CHL1: variants seen among roughly 807,000 people sequenced by gnomAD.
CHL1 encodes the protein neural cell adhesion molecule L1-like protein.
CHL1 carries 96 observed loss-of-function variants against 141.9 expected under a neutral mutation model. The observed-to-expected ratio is 0.68, with a 90% CI of 0.57 to 0.80. The LOEUF is 0.80. CHL1 is among the 30% of genes least tolerant of loss of function. The probability of loss-of-function intolerance (pLI) is 0.00; values close to 1 mark genes in which losing one functional copy is unlikely to be tolerated. For missense variants in CHL1, 1,820 were observed against 1,457.2 expected, an observed-to-expected ratio of 1.25 and a Z score of -4.05; for synonymous variants, 613 against 502.2, an observed-to-expected ratio of 1.22 and a Z score of -2.95.
At chr3:251,477 T>C (rs1315322522) in intron 2 of CHL1, among the ~76,000 whole-genome samples, 1 of 152,174 alleles carries the variant, frequency 6.6e-6, no homozygotes, top group Non-Finnish European at 1.5e-5. Flanking sequence ...CTACTGTTTG[T>C]TATCAGTGTC....
In CHL1 at chr3:328,278, T is replaced by G. The variant is rs1186624190; in HGVS notation, c.309T>G (p.Phe103Leu). 2.5e-6 allele frequency: 4 copies of G among 1,612,656 alleles called. No individual in the cohort carries two copies. The highest frequency in any genetic ancestry group is 3.4e-6 in the Non-Finnish European group (4 of 1,179,122). Residue 103 changes from phenylalanine to leucine, a missense_variant, in exon 5 of 28, where the codon TTT (phenylalanine) becomes TTG (leucine). Coordinates refer to ENST00000256509, the MANE Select transcript of CHL1 (RefSeq NM_006614.4). ...RIPNEGHISH[F>L]QGKYRCFASN... ...CAAACGAGGGGCACATATCTCACTT[T>G]CAAGGGAAATACCGCTGCTTTGCTT...
intron 2 of CHL1, among the ~76,000 whole-genome samples, chr3:311,330 C>T (rs1197537525): frequency 6.6e-6 from 1 of 151,382 alleles, no homozygotes. Flanking sequence ...AATAGTAATG[C>T]ATATACTATA....
rs62230378 is a variant in CHL1, at chr3:382,221, A to G, written c.1919A>G (p.Gln640Arg). Residue 640 changes from glutamine (Q) to arginine (R), a missense_variant, in exon 17 of 28, where the codon CAG becomes CGG. By Grantham distance (43) the Gln-to-Arg change is conservative (BLOSUM62 1). Coordinates refer to ENST00000256509, the MANE Select transcript of CHL1 (RefSeq NM_006614.4). ...PPENLHLSERQNRSVRLTWEA... is the reference protein window; with the variant it reads ...PPENLHLSERRNRSVRLTWEA... ...GAAAACCTTCACTTGTCTGAAAGAC[A>G]GAACAGGAGTGTTCGGCTGACCTGG... 0.026 allele frequency: 41,150 copies of G among 1,613,620 alleles called. 668 individuals carry two copies. The highest frequency in any genetic ancestry group is 0.031 in the Non-Finnish European group (36,525 of 1,179,640).
At chr3:302,092 G>A (rs2124909763) in intron 2 of CHL1, among the ~76,000 whole-genome samples, 1 of 152,202 alleles carries the variant, frequency 6.6e-6, no homozygotes, top group Non-Finnish European at 1.5e-5. Flanking sequence ...CCTTTTTATG[G>A]TTGCATAGTA....
At chr3:325,331 A>G (rs1243604886) in intron 3 of CHL1, among the ~76,000 whole-genome samples, 2 of 152,018 alleles carry the variant, frequency 1.3e-5, no homozygotes, top group Non-Finnish European at 2.9e-5. Flanking sequence ...GTGAAATGAT[A>G]TTTACAATTT....
At chr3:236,653 A>G (rs541696673) in intron 1 of CHL1, among the ~76,000 whole-genome samples, 17 of 152,272 alleles carry the variant, frequency 1.1e-4, no homozygotes, top group Admixed American at 3.3e-4. Context: ...CCAAGTTGTA[A>G]CAGGCCAAGG....
rs1483208687 is a variant in CHL1, at chr3:340,862, C to T, written c.454C>T (p.Pro152Ser). ...GGAGGAGGGAGATCCAATTGTCCTCCCATGCAATCCTCCCAAAGGCCTCCC... is the reference window on the plus strand; with the variant it reads ...GGAGGAGGGAGATCCAATTGTCCTCTCATGCAATCCTCCCAAAGGCCTCCC... ...EVEEGDPIVL[P>S]CNPPKGLPPL... The change falls in exon 6 of 28, where the codon CCA becomes TCA. Residue 152 changes from proline to serine, a missense_variant. Physicochemically the swap from Pro to Ser is moderately conservative, Grantham distance 74. Transcript: ENST00000256509. The T allele has an allele frequency of 6.2e-7, 1 of 1,612,516 alleles. No homozygotes were observed. Among genetic ancestry groups the T allele is most frequent in the Non-Finnish European group, 8.5e-7 (1 of 1,178,780 alleles).
intron 1 of CHL1, among the ~76,000 whole-genome samples, chr3:223,350 ATTATC>A (rs1412143090): frequency 2.0e-5 from 3 of 152,198 alleles, no homozygotes; most frequent in African/African-American, 4.8e-5. Flanking sequence ...TCCTCTAAAT[ATTATC>A]TTATGGAGGT....
At chr3:207,247 T>C (rs1445013402) in intron 1 of CHL1, among the ~76,000 whole-genome samples, 1 of 152,240 alleles carries the variant, frequency 6.6e-6, no homozygotes, top group African/African-American at 2.4e-5. Context: ...AGGCTCCTTT[T>C]TGTGTACTAG....
intron 5 of CHL1, among the ~76,000 whole-genome samples, chr3:330,223 A>G (rs60998514): frequency 0.023 from 3,519 of 152,246 alleles, 129 homozygotes; most frequent in African/African-American, 0.08. Flanking sequence ...TAAGAAATAC[A>G]TTTCTAAGTG....
intron 5 of CHL1, among the ~76,000 whole-genome samples, chr3:331,363 A>G (rs1286551868): frequency 2.6e-5 from 4 of 152,042 alleles, no homozygotes; most frequent in Non-Finnish European, 5.9e-5. Flanking sequence ...CTTCTGAGTA[A>G]CTAGGACTAC....
chr3:266,875 C>A (rs1417789314), intron 2 of CHL1, among the ~76,000 whole-genome samples: 1 of 152,110 alleles, frequency 6.6e-6, no homozygotes, highest in African/African-American at 2.4e-5. Flanking sequence ...TTAATAAGAG[C>A]TGGAGAGATT....
In CHL1 at chr3:333,145, TGC is replaced by T. The variant is rs1482468878; in HGVS notation, c.385+4792_385+4793del. The stretch of plus-strand genomic sequence containing the variant: ...CTCTATTTTTTTTATTTTTTTTTTT[TGC>T]TGCTGCTGCAGAAAAGAGCAAAATA... On this transcript the variant is annotated intron_variant, in intron 5 of 27. Transcript: ENST00000256509. Among the ~76,000 whole-genome samples, 390 of 145,256 alleles carry T rather than the reference TGC, an allele frequency of 2.7e-3. 11 individuals are homozygous for T. The highest frequency in any genetic ancestry group is 9.2e-3 in the African/African-American group (363 of 39,616).
At chr3:320,403 G>A (rs1203826230) in intron 3 of CHL1, among the ~76,000 whole-genome samples, 1 of 151,858 alleles carries the variant, frequency 6.6e-6, no homozygotes, top group African/African-American at 2.4e-5. Context: ...CATATTAAGA[G>A]GTTAAACAGT....
At chr3:350,076 G>C (rs1703114513) in intron 10 of CHL1, among the ~76,000 whole-genome samples, 1 of 152,164 alleles carries the variant, frequency 6.6e-6, no homozygotes, top group Non-Finnish European at 1.5e-5. Flanking sequence ...CTTGGGTTCA[G>C]ATGATAAATT....
intron 2 of CHL1, among the ~76,000 whole-genome samples, chr3:246,382 C>T (rs1446290695): frequency 1.3e-5 from 2 of 151,878 alleles, no homozygotes; most frequent in Non-Finnish European, 1.5e-5. Context: ...TCTTGTGTTC[C>T]TCTTGGTGAT....
chr3:201,135 C>T lies in CHL1; in HGVS notation c.-175+4072C>T, dbSNP rs376849835. Among the ~76,000 whole-genome samples, 15 of 152,292 alleles carry T rather than the reference C, an allele frequency of 9.8e-5. No individual in the cohort carries two copies. In the East Asian group the frequency reaches 1.2e-3, roughly 12 times the overall value. On this transcript the variant is annotated intron_variant, in intron 1 of 27. Coordinates refer to ENST00000256509, the MANE Select transcript of CHL1 (RefSeq NM_006614.4). ...AATTCTGTATCACTGGGTTAGGAAG[C>T]TCAATGAATGAGTTGGATTGATCAC...
chr3:257,023 T>C (rs2125169629), intron 2 of CHL1, among the ~76,000 whole-genome samples: 1 of 152,298 alleles, frequency 6.6e-6, no homozygotes, highest in South Asian at 2.1e-4. Context: ...CCATGGTGTC[T>C]CACATTCTCT....
intron 2 of CHL1, among the ~76,000 whole-genome samples, chr3:279,377 A>G (rs1696436199): frequency 6.6e-6 from 1 of 152,094 alleles, no homozygotes; most frequent in South Asian, 2.1e-4. Context: ...GCTGTTTTCT[A>G]TAGCTAGTCT....
Sources: gnomAD v4.1 joint callset for allele counts (sites outside exome capture counted in the v4.1 genomes callset) on GRCh38, gnomAD v4.1.1 for gene constraint, MANE v1.5 for transcripts, NCBI Gene and HGNC (gene_info 2026-07-23, HGNC 2026-07-21) for gene names.